Variants in CAMK1D observed in about 807,000 individuals in gnomAD.
The protein encoded by CAMK1D is calcium/calmodulin dependent protein kinase ID.
CAMK1D carries 9 observed loss-of-function variants against 47.7 expected under a neutral mutation model. The ratio of observed to expected loss-of-function variants is 0.19; its 90% CI spans 0.11 to 0.33. The LOEUF (loss-of-function observed/expected upper bound fraction) is 0.33. CAMK1D is among the 10% of genes least tolerant of loss of function. CAMK1D has a pLI of 1.00. For missense variants in CAMK1D, 291 were observed against 488.7 expected, an observed-to-expected ratio of 0.60 and a Z score of 3.81; for synonymous variants, 184 against 184.9, an observed-to-expected ratio of 0.99 and a Z score of 0.04.
At chr10:12,364,837 ACTTT>A (rs1837785589) in intron 1 of CAMK1D, among the ~76,000 whole-genome samples, 4 of 152,068 alleles carry the variant, frequency 2.6e-5, no homozygotes. Flanking sequence ...CCTGACTTAG[ACTTT>A]TAGGAGTCGC....
chr10:12,828,539 G>A (rs1833338951), intron 10 of CAMK1D, among the ~76,000 whole-genome samples: 1 of 152,108 alleles, frequency 6.6e-6, no homozygotes, highest in African/African-American at 2.4e-5. Context: ...TACTCGGGAG[G>A]CTGAAGCACG....
At chr10:12,686,333 T>A (rs147756881) in intron 3 of CAMK1D, among the ~76,000 whole-genome samples, 146 of 152,274 alleles carry the variant, frequency 9.6e-4, no homozygotes, top group South Asian at 1.5e-3. Flanking sequence ...TTATTTATTT[T>A]TTTTGGAGAT....
intron 1 of CAMK1D, among the ~76,000 whole-genome samples, chr10:12,405,473 G>T (rs778622274): frequency 6.6e-6 from 1 of 152,114 alleles, no homozygotes; most frequent in Non-Finnish European, 1.5e-5. Flanking sequence ...AGAAAACTCC[G>T]CTGTTTGCTT....
chr10:12,780,815 G>A (rs1837459439), intron 5 of CAMK1D, among the ~76,000 whole-genome samples: 5 of 152,206 alleles, frequency 3.3e-5, no homozygotes, highest in African/African-American at 1.2e-4. Flanking sequence ...AGATGAGTAG[G>A]TGGAACATCC....
intron 2 of CAMK1D, among the ~76,000 whole-genome samples, chr10:12,645,896 C>T (rs553767720): frequency 5.9e-5 from 9 of 151,838 alleles, no homozygotes; most frequent in African/African-American, 1.2e-4. Context: ...CTTCTTTCAC[C>T]GTGAGGCTGT....
intron 1 of CAMK1D, among the ~76,000 whole-genome samples, chr10:12,551,650 A>G (rs566242621): frequency 6.6e-6 from 1 of 152,246 alleles, no homozygotes; most frequent in South Asian, 2.1e-4. Flanking sequence ...AGTCAGGAGA[A>G]TCGCTTGAAC....
intron 2 of CAMK1D, among the ~76,000 whole-genome samples, chr10:12,634,491 C>T (rs1318524964): frequency 2.0e-5 from 3 of 152,228 alleles, no homozygotes; most frequent in South Asian, 2.1e-4. Flanking sequence ...AGGGACAGAG[C>T]GCGGGGTGGG....
intron 1 of CAMK1D, among the ~76,000 whole-genome samples, chr10:12,536,234 GA>G (rs35790468): frequency 0.078 from 11,348 of 144,818 alleles, 728 homozygotes; most frequent in East Asian, 0.36. Flanking sequence ...TCAGAGTTCT[GA>G]AAAAAAAAAA....
intron 1 of CAMK1D, among the ~76,000 whole-genome samples, chr10:12,474,933 G>C (rs1405235003): frequency 6.6e-6 from 1 of 151,336 alleles, no homozygotes; most frequent in African/African-American, 2.4e-5. Flanking sequence ...ACATGATCTT[G>C]TTCTTTTTTA....
At chr10:12,695,520 A>G (rs1299147622) in intron 3 of CAMK1D, among the ~76,000 whole-genome samples, 1 of 152,166 alleles carries the variant, frequency 6.6e-6, no homozygotes, top group Non-Finnish European at 1.5e-5. Flanking sequence ...GCGCATGATG[A>G]TGGAATAAGG....
chr10:12,400,413 A>C (rs1243555105), intron 1 of CAMK1D, among the ~76,000 whole-genome samples: 1 of 151,874 alleles, frequency 6.6e-6, no homozygotes, highest in Non-Finnish European at 1.5e-5. Flanking sequence ...CATCTCAGTG[A>C]CTCTTTTATT....
At chr10:12,510,060 C>T (rs1298374201) in intron 1 of CAMK1D, among the ~76,000 whole-genome samples, 1 of 152,212 alleles carries the variant, frequency 6.6e-6, no homozygotes, top group Non-Finnish European at 1.5e-5. Flanking sequence ...CAGATAAGAA[C>T]CAAACTGAGC....
chr10:12,627,034 C>G (rs1839237799), intron 2 of CAMK1D, among the ~76,000 whole-genome samples: 2 of 150,780 alleles, frequency 1.3e-5, no homozygotes, highest in South Asian at 4.2e-4. Flanking sequence ...TTTGTAGTTA[C>G]TGATTACCTT....
intron 2 of CAMK1D, among the ~76,000 whole-genome samples, chr10:12,604,586 A>G (rs187589372): frequency 4.2e-4 from 64 of 152,260 alleles, no homozygotes; most frequent in Non-Finnish European, 7.6e-4. Context: ...ATTATCTCCA[A>G]TGGACTCATT....
intron 1 of CAMK1D, among the ~76,000 whole-genome samples, chr10:12,378,850 G>T (rs1453207674): frequency 2.2e-5 from 3 of 138,330 alleles, no homozygotes; most frequent in African/African-American, 8.1e-5. Flanking sequence ...TTGCTCTGTC[G>T]CCTGGCTGGA....
chr10:12,354,619 C>T lies in CAMK1D; in HGVS notation c.92+4709C>T, dbSNP rs142766810. ...TAGAGACGGGATTTCACCATTTTGG[C>T]CAAGACGGTCTCGATCTCCTGACCT... is the stretch of plus-strand genomic sequence containing the variant. On this transcript the variant is annotated intron_variant, in intron 1 of 10. Coordinates refer to ENST00000619168, the MANE Select transcript of CAMK1D (RefSeq NM_153498.4). Among the ~76,000 whole-genome samples, 1,427 of 151,860 alleles carry T rather than the reference C, an allele frequency of 9.4e-3. 14 individuals are homozygous for T. The highest frequency in any genetic ancestry group is 0.033 in the African/African-American group (1,367 of 41,384).
Position 12,817,108 on chromosome 10 carries a change from C to T in CAMK1D, c.833+780C>T, listed in dbSNP as rs961826966. Reference sequence around the variant, plus strand: ...CTCATGAGAGACTTATTCACTGTCACGAGAACAGCACGGGAAAGACTTGCC... The same window carrying T: ...CTCATGAGAGACTTATTCACTGTCATGAGAACAGCACGGGAAAGACTTGCC... On this transcript the variant is annotated intron_variant, in intron 8 of 10. Coordinates refer to ENST00000619168, the MANE Select transcript of CAMK1D (RefSeq NM_153498.4). Among the ~76,000 whole-genome samples, 9 of 152,126 alleles carry T rather than the reference C, an allele frequency of 5.9e-5. No individual in the cohort carries two copies. In the South Asian group the frequency reaches 6.2e-4, roughly 11 times the overall value.
chr10:12,791,377 C>A, intron 6 of CAMK1D, 144 bp downstream of exon 6: 1 of 646,974 alleles, frequency 1.5e-6, no homozygotes, highest in Non-Finnish European at 2.7e-6. Flanking sequence ...AGTTCAGTGG[C>A]ATTAAGTCCA....
At chr10:12,516,365 C>T (rs1329419797) in intron 1 of CAMK1D, among the ~76,000 whole-genome samples, 1 of 152,160 alleles carries the variant, frequency 6.6e-6, no homozygotes, top group Non-Finnish European at 1.5e-5. Context: ...CCTCAGCCTC[C>T]CAAAGTGCTG....
Sources: allele counts gnomAD v4.1 joint callset (sites outside exome capture counted in the v4.1 genomes callset), GRCh38; gene constraint gnomAD v4.1.1; transcripts MANE v1.5; gene names NCBI Gene and HGNC (gene_info 2026-07-23, HGNC 2026-07-21).